The following ZNF428 variants were observed in gnomAD, a reference collection of about 807,000 sequenced individuals.
ZNF428 encodes zinc finger protein 428, also known as enzyme-like protein PIT13.
In ZNF428, 5 loss-of-function variants were observed where a neutral mutation model predicts 15.6. The observed-to-expected ratio is 0.32, with a 90% CI of 0.17 to 0.67. The LOEUF (loss-of-function observed/expected upper bound fraction) is 0.67, where lower values mean the gene tolerates loss of function less well. Ranked by LOEUF, ZNF428 falls within the 30% of genes least tolerant of loss-of-function variation. The probability of loss-of-function intolerance (pLI) is 0.73; values close to 1 mark genes in which losing one functional copy is unlikely to be tolerated. For missense variants in ZNF428, 237 were observed against 256.0 expected (o/e 0.93, Z 0.51); for synonymous variants, 97 against 102.2 (o/e 0.95, Z 0.31).
intron 2 of ZNF428, chr19:43,613,914 GC>G (rs1290404262): frequency 6.4e-7 from 1 of 1,551,536 alleles, no homozygotes; most frequent in Non-Finnish European, 8.7e-7. Flanking sequence ...CGATCTAGAA[GC>G]CCCAATAAGC....
chr19:43,612,551 A>G lies in ZNF428; in HGVS notation c.76+1678T>C, dbSNP rs1200590272. 6.4e-6 allele frequency: 10 copies of G among 1,551,520 alleles called. No individual in the cohort carries two copies. The highest frequency in any genetic ancestry group is 7.8e-6 in the Non-Finnish European group (9 of 1,146,990). On this transcript the variant is annotated intron_variant, in intron 2 of 2. Coordinates refer to ENST00000300811, the MANE Select transcript of ZNF428 (RefSeq NM_182498.4). This position sits in a 1 kb window ranked among gnomAD's most constrained non-coding sequence, Gnocchi z 4.2. ...ACCCAGCAGGGCCAGCACTCCTGGC[A>G]GGATAAGAACTCATGGTGCCAGACC... is the stretch of plus-strand genomic sequence containing the variant.
At chr19:43,619,119 G>A (rs1209218046) in intron 1 of ZNF428, among the ~76,000 whole-genome samples, 1 of 152,154 alleles carries the variant, frequency 6.6e-6, no homozygotes, top group Non-Finnish European at 1.5e-5. Context: ...AAGAGACCAG[G>A]GCAAAACCTT....
chr19:43,607,943 G>A lies in ZNF428; in HGVS notation c.241C>T (p.Arg81Trp), dbSNP rs1274505478. 2.5e-6 allele frequency: 4 copies of A among 1,583,758 alleles called. No homozygotes were observed. Among genetic ancestry groups the A allele is most frequent in the Admixed American group, 1.9e-5 (1 of 54,002 alleles). ...GGGGGCTGGGCTGCACGGGGGGCCC[G>A]GCGGGATGGGCCACCACGGCCCCCG... ...LGGGRGGPSRRAPRAAQPPAQ... is the reference protein window; with the variant it reads ...LGGGRGGPSRWAPRAAQPPAQ... The change falls in exon 3 of 3, where the codon CGG (arginine) becomes TGG (tryptophan). Residue 81 changes from arginine to tryptophan, a missense_variant. Transcript: ENST00000300811. This position sits in a 1 kb window ranked among gnomAD's most constrained non-coding sequence, Gnocchi z 5.1.
At position 43,607,506 on chromosome 19, in the gene ZNF428, A is replaced by C. The variant is rs985444048; in HGVS notation, c.*111T>G. The C allele has an allele frequency of 7.4e-7, 1 of 1,352,544 alleles. No homozygotes were observed. Among genetic ancestry groups the C allele is most frequent in the African/African-American group, 1.5e-5 (1 of 68,254 alleles). 83.8% of individuals were successfully genotyped at this position (1,352,544 alleles called of 1,614,324 possible). ...CCATCACACATCTACTTCTAAGACA[A>C]CACAGACCGGCAGTACCCCATCCCC... On this transcript the variant is annotated 3_prime_UTR_variant, in exon 3 of 3. Coordinates refer to ENST00000300811, the MANE Select transcript of ZNF428 (RefSeq NM_182498.4). This position sits in a 1 kb window ranked among gnomAD's most constrained non-coding sequence, Gnocchi z 5.1.
At position 43,612,099 on chromosome 19, in the gene ZNF428, C is replaced by T. The variant is rs1367735112; in HGVS notation, c.76+2130G>A. ...TTCATGTCTACTGTGACTTCCAGGA[C>T]CACAAGCCCTTTTGCGCCCACCATG... On this transcript the variant is annotated intron_variant, in intron 2 of 2. Coordinates refer to ENST00000300811, the MANE Select transcript of ZNF428 (RefSeq NM_182498.4). This position sits in a 1 kb window ranked among gnomAD's most constrained non-coding sequence, Gnocchi z 4.2. 6 of 1,530,766 alleles carry T rather than the reference C, an allele frequency of 3.9e-6. No homozygotes were observed. Among genetic ancestry groups the T allele is most frequent in the Non-Finnish European group, 4.4e-6 (5 of 1,128,898 alleles). The allele number at this position is 1,530,766 out of a possible 1,614,324, so 94.8% of individuals were successfully genotyped here. A position where few individuals can be genotyped will look rare whatever the true frequency, so the allele number is the denominator to read the frequency against.
Position 43,609,550 on chromosome 19 carries a change from G to A in ZNF428, c.77-1443C>T, listed in dbSNP as rs114240936. Among the ~76,000 whole-genome samples, 776 of 152,038 alleles carry A rather than the reference G, an allele frequency of 5.1e-3. 5 individuals are homozygous for A. The highest frequency in any genetic ancestry group is 0.018 in the African/African-American group (747 of 41,450). ...ACTCAGGAGTTCATGACCCACTCTG[G>A]GCAACATGGTGAAACCCCGTCTCTA... On this transcript the variant is annotated intron_variant, in intron 2 of 2. Coordinates refer to ENST00000300811, the MANE Select transcript of ZNF428 (RefSeq NM_182498.4).
intron 2 of ZNF428, among the ~76,000 whole-genome samples, chr19:43,610,194 C>T (rs1303298413): frequency 6.6e-6 from 1 of 151,492 alleles, no homozygotes; most frequent in Non-Finnish European, 1.5e-5. Flanking sequence ...CCTTACTCTG[C>T]TTGATTTTTC....
Position 43,610,800 on chromosome 19 carries a change from C to T in ZNF428, c.77-2693G>A, listed in dbSNP as rs373569943. On this transcript the variant is annotated intron_variant, in intron 2 of 2. Coordinates refer to ENST00000300811, the MANE Select transcript of ZNF428 (RefSeq NM_182498.4). ...GGGAGGCCTTCCTCTTTGGTGAGGC[C>T]GTCCCAGACCTCCTCATCCCAGGCA... 6.8e-4 allele frequency among the ~76,000 whole-genome samples: 103 copies of T among 152,166 alleles called. 1 individual carries two copies. The South Asian group carries it at 0.02, about 29-fold the overall frequency.
intron 1 of ZNF428, among the ~76,000 whole-genome samples, chr19:43,618,227 G>A (rs1319945283): frequency 6.6e-6 from 1 of 151,828 alleles, no homozygotes; most frequent in Non-Finnish European, 1.5e-5. Context: ...TAGAGATGGG[G>A]TTTCACCGTG....
At chr19:43,609,102 T>C (rs1393316128) in intron 2 of ZNF428, among the ~76,000 whole-genome samples, 1 of 152,090 alleles carries the variant, frequency 6.6e-6, no homozygotes, top group African/African-American at 2.4e-5. Context: ...AGCCCTGTTC[T>C]TATACATTAA....
chr19:43,618,566 C>CTTTTTTTT (rs551668437), intron 1 of ZNF428, among the ~76,000 whole-genome samples: 7 of 98,352 alleles, frequency 7.1e-5, no homozygotes, highest in African/African-American at 8.5e-5. Flanking sequence ...TTAATTTTTA[C>CTTTTTTTT]TTTTTTTTTT....
rs1291326614 is a variant in ZNF428, at chr19:43,611,339, C to G, written c.76+2890G>C. ...TTGACCCGTTCATTTTTTTTTTTTT[C>G]GAGAGAGAGTCTCGCTGTCACCCAG... is the stretch of plus-strand genomic sequence containing the variant. On this transcript the variant is annotated intron_variant, in intron 2 of 2. Coordinates refer to ENST00000300811, the MANE Select transcript of ZNF428 (RefSeq NM_182498.4). Among the ~76,000 whole-genome samples, 7 of 146,348 alleles carry G rather than the reference C, an allele frequency of 4.8e-5. No homozygotes were observed. In the East Asian group the frequency reaches 1.4e-3, roughly 29 times the overall value.
intron 1 of ZNF428, among the ~76,000 whole-genome samples, chr19:43,618,305 T>C (rs1017087835): frequency 8.6e-5 from 13 of 151,922 alleles, no homozygotes; most frequent in African/African-American, 3.1e-4. Context: ...AGTGCTGGGA[T>C]TACAGGCGTG....
intron 1 of ZNF428, among the ~76,000 whole-genome samples, chr19:43,619,091 C>G (rs1370595420): frequency 6.6e-6 from 1 of 152,156 alleles, no homozygotes; most frequent in Non-Finnish European, 1.5e-5. Context: ...AATAGGCACC[C>G]GTTCCAATGC....
rs1033177795 is a variant in ZNF428, at chr19:43,608,076, A to C, written c.108T>G (p.Thr36=). 6.2e-7 allele frequency: 1 copy of C among 1,613,720 alleles called. No individual in the cohort carries two copies. The highest frequency in any genetic ancestry group is 8.5e-7 in the Non-Finnish European group (1 of 1,179,882). Residue 36 remains threonine (T), a synonymous_variant, in exon 3 of 3, where the codon ACT becomes ACG. Transcript: ENST00000300811. Reference sequence around the variant, plus strand: ...CCTCTTCGGAGTCCGGCTCTGAGAGAGTGTATTCTGAATCAGAGGAATGCT... The same window carrying C: ...CCTCTTCGGAGTCCGGCTCTGAGAGCGTGTATTCTGAATCAGAGGAATGCT... The part of the protein sequence containing the change: ...GPEHSSDSEY[T]LSEPDSEEEE...
intron 2 of ZNF428, 112 bp from the exon 3 acceptor site, chr19:43,608,219 G>GTGTCTAGGCTAT: frequency 7.1e-7 from 1 of 1,410,774 alleles, no homozygotes. Flanking sequence ...GACAAGGATA[G>GTGTCTAGGCTAT]CCTAGACACT....
chr19:43,614,819 A>T lies in ZNF428; in HGVS notation c.-130-385T>A, dbSNP rs1973355637. 2.6e-5 allele frequency among the ~76,000 whole-genome samples: 4 copies of T among 152,230 alleles called. No homozygotes were observed. In the South Asian group the frequency reaches 8.3e-4, roughly 32 times the overall value. ...CACCATGTTGGCCAGGCTGGGCTCG[A>T]ACTCCTGACCTCAGGTGATCCACAT... On this transcript the variant is annotated intron_variant, in intron 1 of 2. Transcript: ENST00000300811.
At chr19:43,615,226 C>T (rs1418587212) in intron 1 of ZNF428, among the ~76,000 whole-genome samples, 1 of 152,088 alleles carries the variant, frequency 6.6e-6, no homozygotes, top group African/African-American at 2.4e-5. Flanking sequence ...ACACAGCAGA[C>T]AACAGCTAGG....
Position 43,612,609 on chromosome 19 carries a change from CA to C in ZNF428, c.76+1619del, listed in dbSNP as rs1973312262. ...GCCAGCAGGGTGAGAACTCCCACTT[CA>C]CAGCAAAAAGGGAGCCGGGGAAAGA... On this transcript the variant is annotated intron_variant, in intron 2 of 2. Coordinates refer to ENST00000300811, the MANE Select transcript of ZNF428 (RefSeq NM_182498.4). This position sits in a 1 kb window ranked among gnomAD's most constrained non-coding sequence, Gnocchi z 4.2. 1.3e-6 allele frequency: 2 copies of C among 1,551,526 alleles called. No individual in the cohort carries two copies. The highest frequency in any genetic ancestry group is 8.7e-7 in the Non-Finnish European group (1 of 1,146,962).
Sources: gnomAD v4.1 joint callset for allele counts (sites outside exome capture counted in the v4.1 genomes callset) on GRCh38, gnomAD v4.1.1 for gene constraint, Gnocchi (gnomAD v3.1) non-coding constraint, MANE v1.5 for transcripts, NCBI Gene and HGNC (gene_info 2026-07-23, HGNC 2026-07-21) for gene names.